Variants in TENM2 observed in about 807,000 individuals in gnomAD.
TENM2 encodes teneurin transmembrane protein 2, also known as teneurin-2.
TENM2 carries 52 observed loss-of-function variants against 245.2 expected under a neutral mutation model. The ratio of observed to expected loss-of-function variants is 0.21; its 90% CI spans 0.17 to 0.27. TENM2 has a LOEUF of 0.27. TENM2 is among the 10% of genes least tolerant of loss of function. TENM2 has a pLI of 1.00. For missense variants in TENM2, 3,046 were observed against 3,666.8 expected (o/e 0.83, Z 4.37); for synonymous variants, 1,363 against 1,438.9 (o/e 0.95, Z 1.19).
At position 167,915,961 on chromosome 5, in the gene TENM2, G is replaced by T. The variant is rs965514740; in HGVS notation, c.713-36627G>T. ...GCTATCTTATCTGACTGACCTTAGA[G>T]AAGTTATTTGGTCTCCTTGGGCCTC... On this transcript the variant is annotated intron_variant, in intron 3 of 28. Transcript: ENST00000518659. Among the ~76,000 whole-genome samples, 5 of 152,280 alleles carry T rather than the reference G, an allele frequency of 3.3e-5. No individual in the cohort carries two copies. In the South Asian group the frequency reaches 6.2e-4, roughly 19 times the overall value.
intron 1 of TENM2, among the ~76,000 whole-genome samples, chr5:167,327,029 A>G (rs934088822): frequency 6.6e-6 from 1 of 152,158 alleles, no homozygotes; most frequent in Non-Finnish European, 1.5e-5. Context: ...TTTTTTAAAA[A>G]ATTTTATTAT....
chr5:168,216,667 T>C (rs1763225693), intron 21 of TENM2, 101 bp from the exon 24 acceptor site: 2 of 1,122,640 alleles, frequency 1.8e-6, no homozygotes, highest in Non-Finnish European at 2.7e-6. Context: ...GTAAGGTCTC[T>C]GGTCTAAGCA....
chr5:167,279,515 T>TCCC, the TENM2 span, among the ~76,000 whole-genome samples: 2 of 7,458 alleles, frequency 2.7e-4, no homozygotes, highest in Non-Finnish European at 5.7e-4. Flanking sequence ...CTTCCTTCCT[T>TCCC]TCCTTCCTTC....
intron 4 of TENM2, among the ~76,000 whole-genome samples, chr5:167,964,471 T>A (rs927414376): frequency 6.6e-6 from 1 of 152,232 alleles, no homozygotes; most frequent in African/African-American, 2.4e-5. Flanking sequence ...AAATGGTCAT[T>A]CATTAATTAT....
intron 6 of TENM2, among the ~76,000 whole-genome samples, chr5:168,059,238 G>C (rs1789823341): frequency 6.6e-6 from 1 of 152,174 alleles, no homozygotes; most frequent in African/African-American, 2.4e-5. Context: ...AATTTCTCCA[G>C]AACAGCTGCT....
chr5:167,839,671 A>C (rs1355658526), intron 2 of TENM2, among the ~76,000 whole-genome samples: 1 of 152,220 alleles, frequency 6.6e-6, no homozygotes, highest in African/African-American at 2.4e-5. Context: ...GATATTGAAA[A>C]TATACCCCTT....
At chr5:167,556,436 A>ATATATG (rs1554179803) in intron 2 of TENM2, among the ~76,000 whole-genome samples, 1 of 150,066 alleles carries the variant, frequency 6.7e-6, no homozygotes, top group East Asian at 2.0e-4. Flanking sequence ...ATATATATAT[A>ATATATG]TATGTATCTG....
intron 23 of TENM2, among the ~76,000 whole-genome samples, chr5:168,225,162 G>C (rs1764041731): frequency 6.6e-6 from 1 of 152,190 alleles, no homozygotes; most frequent in African/African-American, 2.4e-5. Flanking sequence ...TGCTTGGGAA[G>C]TGGAGCCATG....
chr5:167,949,123 G>A (rs1779874154), intron 3 of TENM2, among the ~76,000 whole-genome samples: 1 of 152,304 alleles, frequency 6.6e-6, no homozygotes, highest in East Asian at 1.9e-4. Context: ...GTGAAACTAG[G>A]AGTCAAAAAC....
At chr5:168,190,569 A>G (rs762878450) in intron 14 of TENM2, 22 bp downstream of exon 16, 37 of 1,598,178 alleles carry the variant, frequency 2.3e-5, no homozygotes, top group Non-Finnish European at 3.1e-5. Flanking sequence ...CTGTCCCTGC[A>G]AACTCCTGAA....
chr5:168,097,933 C>A, intron 8 of TENM2, 93 bp from the exon 11 acceptor site: 3 of 829,988 alleles, frequency 3.6e-6, no homozygotes, highest in Non-Finnish European at 6.0e-6. Flanking sequence ...AGATTACTAC[C>A]ACTGGTCTTT....
the TENM2 span, among the ~76,000 whole-genome samples, chr5:167,270,287 C>T: frequency 6.6e-6 from 1 of 152,192 alleles, no homozygotes; most frequent in African/African-American, 2.4e-5. Flanking sequence ...TTAAGGATCA[C>T]GAAGTAACCA....
the TENM2 span, among the ~76,000 whole-genome samples, chr5:167,188,600 G>C: frequency 6.6e-6 from 1 of 152,074 alleles, no homozygotes; most frequent in African/African-American, 2.4e-5. Flanking sequence ...TGTTTATAAA[G>C]CCATAAAGAA....
At chr5:167,801,753 G>T (rs1424271412) in intron 2 of TENM2, among the ~76,000 whole-genome samples, 1 of 152,138 alleles carries the variant, frequency 6.6e-6, no homozygotes, top group Admixed American at 6.6e-5. Context: ...GTATGGACTG[G>T]TAGAGATATG....
chr5:167,717,407 G>A (rs895204473), intron 2 of TENM2, among the ~76,000 whole-genome samples: 1 of 152,126 alleles, frequency 6.6e-6, no homozygotes, highest in African/African-American at 2.4e-5. Flanking sequence ...AGATGACTTA[G>A]AAGTAGGTTG....
intron 2 of TENM2, among the ~76,000 whole-genome samples, chr5:167,426,409 A>C (rs1763827303): frequency 6.6e-6 from 1 of 152,048 alleles, no homozygotes; most frequent in African/African-American, 2.4e-5. Context: ...TGTTTTCTCT[A>C]AAATAAACCT....
At chr5:167,800,375 T>C (rs1765623095) in intron 2 of TENM2, among the ~76,000 whole-genome samples, 1 of 152,194 alleles carries the variant, frequency 6.6e-6, no homozygotes, top group Non-Finnish European at 1.5e-5. Context: ...AGAAAACGAA[T>C]GGAAGTCTGT....
intron 2 of TENM2, among the ~76,000 whole-genome samples, chr5:167,552,641 T>C (rs534349190): frequency 6.0e-4 from 92 of 152,124 alleles, no homozygotes; most frequent in African/African-American, 2.1e-3. Context: ...ACTGGAGGAG[T>C]TTGCTGCTTT....
chr5:168,070,817 GAGAAAA>G (rs1240906964), intron 7 of TENM2, among the ~76,000 whole-genome samples: 3 of 104,508 alleles, frequency 2.9e-5, no homozygotes, highest in East Asian at 3.1e-4. Context: ...GAGAGAGAGA[GAGAAAA>G]AAAGAAAGAA....
Sources: gnomAD v4.1 joint callset for allele counts (sites outside exome capture counted in the v4.1 genomes callset) on GRCh38, gnomAD v4.1.1 for gene constraint, MANE v1.5 for transcripts, NCBI Gene and HGNC (gene_info 2026-07-23, HGNC 2026-07-21) for gene names.